Variants in SLIT2 observed in about 807,000 individuals in gnomAD.
SLIT2 encodes the protein slit homolog 2 protein.
Under a neutral mutation model 185.7 loss-of-function variants are expected in SLIT2, and 41 were observed. That is an observed-to-expected ratio of 0.22 (90% confidence interval 0.17 to 0.29). The LOEUF is 0.29. Ranked by LOEUF, SLIT2 falls within the 10% of genes least tolerant of loss-of-function variation. SLIT2 has a pLI of 1.00. For synonymous variants in SLIT2, 693 were observed against 680.2 expected (o/e 1.02, Z -0.29); for missense variants, 1,571 against 1,909.0 (o/e 0.82, Z 3.30).
intron 4 of SLIT2, among the ~76,000 whole-genome samples, chr4:20,363,653 A>G (rs1722902817): frequency 6.6e-6 from 1 of 152,070 alleles, no homozygotes; most frequent in Admixed American, 6.6e-5. Flanking sequence ...CTTCCTCCCC[A>G]CCAAAAGAGA....
At chr4:20,275,973 A>G (rs1490466826) in intron 4 of SLIT2, among the ~76,000 whole-genome samples, 1 of 152,130 alleles carries the variant, frequency 6.6e-6, no homozygotes, top group Non-Finnish European at 1.5e-5. Context: ...ATATGTTGCT[A>G]AGGAACACTT....
chr4:20,536,802 CTAT>C (rs1446657054), intron 18 of SLIT2, among the ~76,000 whole-genome samples: 3 of 151,456 alleles, frequency 2.0e-5, no homozygotes, highest in Non-Finnish European at 2.9e-5. Flanking sequence ...TTTTTATTTT[CTAT>C]TATTCTTTTC....
chr4:20,598,405 T>C lies in SLIT2; in HGVS notation c.3692+10T>C, dbSNP rs761934672. 1 of 1,613,908 alleles carries C rather than the reference T, an allele frequency of 6.2e-7. No homozygotes were observed. The highest frequency in any genetic ancestry group is 1.3e-5 in the African/African-American group (1 of 75,030). On this transcript the variant is annotated intron_variant, in intron 33 of 36. Transcript: ENST00000504154. ...CTTCTGCCATTTACAGGTGAAGATC[T>C]CTCAGTTACGGGTAAAGGTGAAAAA...
At chr4:20,466,460 C>T (rs1181461030) in intron 4 of SLIT2, among the ~76,000 whole-genome samples, 4 of 152,098 alleles carry the variant, frequency 2.6e-5, no homozygotes, top group South Asian at 4.1e-4. Context: ...GTGCTACAGA[C>T]CTTTACTGTT....
intron 4 of SLIT2, among the ~76,000 whole-genome samples, chr4:20,271,399 A>T (rs2109033800): frequency 6.8e-6 from 1 of 146,868 alleles, no homozygotes; most frequent in Non-Finnish European, 1.5e-5. Flanking sequence ...CATTTATATA[A>T]TATATAATTA....
In SLIT2 at chr4:20,256,742, C is replaced by G. The variant is rs759760851; in HGVS notation, c.250C>G (p.Leu84Val). 1 of 1,434,144 alleles carries G rather than the reference C, an allele frequency of 7.0e-7. No individual in the cohort carries two copies. Among genetic ancestry groups the G allele is most frequent in the South Asian group, 1.2e-5 (1 of 81,548 alleles). 88.8% of individuals were successfully genotyped at this position (1,434,144 alleles called of 1,614,324 possible). ...TGCTGGTCTTAGACATCTAAGAGTT[C>G]TGTAAGTGCATCCTCTGTATTTTTA... ...DFAGLRHLRVLQLMENKISTI... is the reference protein window; with the variant it reads ...DFAGLRHLRVVQLMENKISTI... The change falls in exon 2 of 37, where the codon CTT becomes GTT. Residue 84 changes from leucine (L) to valine (V), a missense_variant and splice_region_variant. Physicochemically the swap from Leu to Val is conservative, Grantham distance 32. Transcript: ENST00000504154.
chr4:20,410,200 C>T (rs1239309349), intron 4 of SLIT2, among the ~76,000 whole-genome samples: 6 of 145,776 alleles, frequency 4.1e-5, no homozygotes, highest in South Asian at 2.2e-4. Flanking sequence ...TATAGTTTTG[C>T]GTTTCACATT....
At chr4:20,472,495 T>TATAG (rs1553908663) in intron 5 of SLIT2, among the ~76,000 whole-genome samples, 4 of 14,110 alleles carry the variant, frequency 2.8e-4, no homozygotes, top group Admixed American at 1.6e-3. Flanking sequence ...TATATATAGA[T>TATAG]ATATATCTAT....
chr4:20,609,873 T>A, intron 33 of SLIT2, 140 bp from the exon 34 acceptor site: 2 of 679,612 alleles, frequency 2.9e-6, no homozygotes, highest in South Asian at 3.4e-5. Context: ...TGAAAAAAAA[T>A]TCAACTACTC....
chr4:20,254,099 C>T lies in SLIT2; in HGVS notation c.179+105C>T. 1.7e-6 allele frequency: 2 copies of T among 1,152,570 alleles called. No individual in the cohort carries two copies. Among genetic ancestry groups the T allele is most frequent in the Non-Finnish European group, 2.5e-6 (2 of 807,232 alleles). The allele number at this position is 1,152,570 out of a possible 1,614,324, so 71.4% of individuals were successfully genotyped here. A position where few individuals can be genotyped will look rare whatever the true frequency, so the allele number is the denominator to read the frequency against. On this transcript the variant is annotated intron_variant, in intron 1 of 36. Transcript: ENST00000504154. The surrounding 1 kb of genome is among the most constrained non-coding windows in gnomAD (Gnocchi z 5.1). ...AGGGTCCTGTGCCTGGGGCAGCCCT[C>T]GCTAGCTCTCCCCCATGCACATCCT...
In SLIT2 at chr4:20,432,681, A is replaced by T. The variant is rs189403989; in HGVS notation, c.396-35071A>T. Among the ~76,000 whole-genome samples, 164 of 152,294 alleles carry T rather than the reference A, an allele frequency of 1.1e-3. 3 individuals carry two copies. The highest frequency in any genetic ancestry group is 2.9e-4 in the Non-Finnish European group (20 of 68,028). ...ATTTCTCACAACGTGATGTAAGGGG[A>T]ATGTTTTGGAAAATCTGAAGAGCTC... On this transcript the variant is annotated intron_variant, in intron 4 of 36. Transcript: ENST00000504154.
chr4:20,542,517 C>A lies in SLIT2; in HGVS notation c.2167C>A (p.Pro723Thr). The A allele has an allele frequency of 6.2e-7, 1 of 1,613,610 alleles. No homozygotes were observed. The change falls in exon 21 of 37, where the codon CCA becomes ACA. Residue 723 changes from proline to threonine, a missense_variant. Pro to Thr is a conservative substitution (Grantham distance 38). This residue lies in a region of SLIT2 where 1,202 missense variants were observed against 1,416.4 expected (regional missense o/e 0.85). Transcript: ENST00000504154. Reference sequence around the variant, plus strand: ...AGGAAATGATGACAATAGTTGCTCCCCACTTTCTCGCTGTCCTACTGAATG... The same window carrying A: ...AGGAAATGATGACAATAGTTGCTCCACACTTTCTCGCTGTCCTACTGAATG... Reference protein sequence around the residue: ...DDGNDDNSCSPLSRCPTECTC... With the variant: ...DDGNDDNSCSTLSRCPTECTC...
chr4:20,294,500 A>G (rs1273337427), intron 4 of SLIT2, among the ~76,000 whole-genome samples: 1 of 152,178 alleles, frequency 6.6e-6, no homozygotes, highest in Non-Finnish European at 1.5e-5. Context: ...TAAATGTTGA[A>G]GTATCAGAGT....
At chr4:20,466,430 A>G (rs541659132) in intron 4 of SLIT2, among the ~76,000 whole-genome samples, 28 of 152,304 alleles carry the variant, frequency 1.8e-4, no homozygotes, top group African/African-American at 6.3e-4. Context: ...TTGGAAATTT[A>G]TTGTTTGAAA....
At chr4:20,573,203 C>A (rs953997574) in intron 29 of SLIT2, 8 of 702,778 alleles carry the variant, frequency 1.1e-5, no homozygotes, top group Non-Finnish European at 2.1e-5. Flanking sequence ...TGTAAAAAGT[C>A]TTTTGTCTCT....
chr4:20,567,880 G>A (rs776507295), intron 28 of SLIT2, among the ~76,000 whole-genome samples: 15 of 152,022 alleles, frequency 9.9e-5, no homozygotes, highest in Non-Finnish European at 2.2e-4. Flanking sequence ...GGTCAGATTA[G>A]GGCAAGACAA....
intron 26 of SLIT2, 109 bp downstream of exon 26, chr4:20,554,077 G>T (rs969287496): frequency 3.3e-6 from 3 of 920,848 alleles, no homozygotes; most frequent in South Asian, 1.8e-5. Context: ...CCCAGTAAAT[G>T]ATTATTTTTT....
At position 20,316,213 on chromosome 4, in the gene SLIT2, C is replaced by CA. The variant is rs1718564933; in HGVS notation, c.395+47333dup. On this transcript the variant is annotated intron_variant, in intron 4 of 36. Transcript: ENST00000504154. ...AGGTCTTTTACCTACAAGGAGTTTA[C>CA]ACTTCTGCAGGTTATAAACATGTCA... 2.0e-5 allele frequency among the ~76,000 whole-genome samples: 3 copies of CA among 152,038 alleles called. No homozygotes were observed. The South Asian group carries it at 6.2e-4, about 31-fold the overall frequency.
At chr4:20,353,323 A>G (rs565137404) in intron 4 of SLIT2, among the ~76,000 whole-genome samples, 5 of 152,336 alleles carry the variant, frequency 3.3e-5, no homozygotes, top group Admixed American at 3.3e-4. Flanking sequence ...GAATTTATGC[A>G]TAACTCAGTT....
Sources: allele counts gnomAD v4.1 joint callset (sites outside exome capture counted in the v4.1 genomes callset), GRCh38; gene constraint gnomAD v4.1.1; regional missense constraint gnomAD v4.1.1; non-coding constraint Gnocchi (gnomAD v3.1); transcripts MANE v1.5; gene names NCBI Gene and HGNC (gene_info 2026-07-23, HGNC 2026-07-21).